HNF4G: variants seen among roughly 807,000 people sequenced by gnomAD.
The protein encoded by HNF4G is hepatocyte nuclear factor 4-gamma.
In HNF4G, 21 loss-of-function variants were observed where a neutral mutation model predicts 50.9. That is an observed-to-expected ratio of 0.41 (90% CI 0.29 to 0.59). The LOEUF is 0.59. HNF4G is among the 20% of genes least tolerant of loss of function. The probability of loss-of-function intolerance (pLI) is 0.26; values close to 1 mark genes in which losing one functional copy is unlikely to be tolerated. For missense variants in HNF4G, 527 were observed against 559.4 expected (o/e 0.94, Z 0.58); for synonymous variants, 198 against 185.6 (o/e 1.07, Z -0.54).
chr8:75,408,018 G>A (rs1037794804), upstream of HNF4G: 3 of 152,118 alleles, frequency 2.0e-5, no homozygotes, highest in East Asian at 3.9e-4. Context: ...GCACCGCCCC[G>A]GCGGCTGCCG....
intron 2 of HNF4G, among the ~76,000 whole-genome samples, chr8:75,530,164 G>C (rs572390377): frequency 7.0e-4 from 106 of 152,102 alleles, no homozygotes; most frequent in Non-Finnish European, 1.2e-3. Flanking sequence ...GAGAGCTGCT[G>C]GTGTTCTAGG....
At chr8:75,417,846 A>T (rs986400598) in intron 1 of HNF4G, among the ~76,000 whole-genome samples, 2 of 152,184 alleles carry the variant, frequency 1.3e-5, no homozygotes, top group African/African-American at 4.8e-5. Flanking sequence ...AGGAATAAAA[A>T]TGATAATAGT....
chr8:75,554,193 GA>G (rs1807050052), intron 5 of HNF4G, among the ~76,000 whole-genome samples: 2 of 152,112 alleles, frequency 1.3e-5, no homozygotes, highest in Non-Finnish European at 2.9e-5. Context: ...GCATGGCTCA[GA>G]AGGTTATGCC....
chr8:75,529,195 G>T (rs1806261213), intron 2 of HNF4G, among the ~76,000 whole-genome samples: 1 of 152,116 alleles, frequency 6.6e-6, no homozygotes, highest in Non-Finnish European at 1.5e-5. Flanking sequence ...GGAGGCTGAG[G>T]CAGGAGAATG....
intron 2 of HNF4G, among the ~76,000 whole-genome samples, chr8:75,525,317 C>T (rs188151553): frequency 1.3e-5 from 2 of 152,188 alleles, no homozygotes; most frequent in African/African-American, 4.8e-5. Context: ...TACAGGCACT[C>T]GCCACCATGC....
Position 75,415,694 on chromosome 8 carries a change from C to T in HNF4G, c.-144+7532C>T, listed in dbSNP as rs117910113. Among the ~76,000 whole-genome samples, 108 of 152,016 alleles carry T rather than the reference C, an allele frequency of 7.1e-4. 1 individual carries two copies. The East Asian group carries it at 0.02, about 28-fold the overall frequency. On this transcript the variant is annotated intron_variant, in intron 1 of 10. Coordinates refer to the HNF4G transcript ENST00000354370. The stretch of plus-strand genomic sequence containing the variant: ...ACAACTATGTGAAGGCGCAGAGACT[C>T]GGGGCCATGTGAAGTCAATATCAAA...
At chr8:75,555,697 T>G (rs1025545547) in intron 5 of HNF4G, among the ~76,000 whole-genome samples, 1 of 151,966 alleles carries the variant, frequency 6.6e-6, no homozygotes, top group Non-Finnish European at 1.5e-5. Flanking sequence ...TCTGGTCTGA[T>G]TCTGTTTCCC....
intron 1 of HNF4G, among the ~76,000 whole-genome samples, chr8:75,443,283 T>C (rs528008494): frequency 6.6e-6 from 1 of 152,200 alleles, no homozygotes; most frequent in Non-Finnish European, 1.5e-5. Flanking sequence ...TTATGGTATT[T>C]TGTTATACCA....
At chr8:75,524,525 T>C (rs1806131040) in intron 2 of HNF4G, among the ~76,000 whole-genome samples, 1 of 152,182 alleles carries the variant, frequency 6.6e-6, no homozygotes. Context: ...ATGTTACATA[T>C]TTTTATTATA....
intron 1 of HNF4G, among the ~76,000 whole-genome samples, chr8:75,424,612 G>A (rs887371426): frequency 1.3e-5 from 2 of 152,024 alleles, no homozygotes; most frequent in African/African-American, 4.8e-5. Flanking sequence ...AAGATTTAGT[G>A]CCCACTTATA....
intron 1 of HNF4G, among the ~76,000 whole-genome samples, chr8:75,465,185 C>T (rs1275169451): frequency 6.6e-6 from 1 of 152,148 alleles, no homozygotes; most frequent in African/African-American, 2.4e-5. Flanking sequence ...ACAGCTAACC[C>T]ATGTAGCCTC....
At chr8:75,479,923 A>G (rs1211120208) in intron 1 of HNF4G, among the ~76,000 whole-genome samples, 2 of 152,088 alleles carry the variant, frequency 1.3e-5, no homozygotes, top group African/African-American at 4.8e-5. Flanking sequence ...CATATTACCA[A>G]AAATAGCAAA....
Position 75,547,388 on chromosome 8 carries a change from T to C in HNF4G, c.288-199T>C, listed in dbSNP as rs539457386. ...ATAGTCATTCAGTTTTATTTTACTATAAAGACTAAGTGAGAGGTGAGGCTC... is the reference window on the plus strand; with the variant it reads ...ATAGTCATTCAGTTTTATTTTACTACAAAGACTAAGTGAGAGGTGAGGCTC... On this transcript the variant is annotated intron_variant, in intron 2 of 9. Transcript: ENST00000396423. Among the ~76,000 whole-genome samples the C allele has an allele frequency of 3.3e-5, 5 of 152,356 alleles. No individual in the cohort carries two copies. In the South Asian group the frequency reaches 1.0e-3, roughly 32 times the overall value.
intron 1 of HNF4G, among the ~76,000 whole-genome samples, chr8:75,427,960 G>A (rs1002816220): frequency 6.6e-6 from 1 of 152,110 alleles, no homozygotes; most frequent in Non-Finnish European, 1.5e-5. Flanking sequence ...ATGTACAGTA[G>A]TATCAATCAA....
chr8:75,507,911 T>C (rs543895420), intron 2 of HNF4G, among the ~76,000 whole-genome samples: 10 of 152,058 alleles, frequency 6.6e-5, no homozygotes, highest in Admixed American at 6.5e-4. Flanking sequence ...AAAACTAAAA[T>C]ATGTGGAGAA....
chr8:75,537,716 A>T (rs1323395612), upstream of HNF4G, among the ~76,000 whole-genome samples: 1 of 152,076 alleles, frequency 6.6e-6, no homozygotes, highest in Non-Finnish European at 1.5e-5. Flanking sequence ...TTTCTCCATT[A>T]AAAAATAAAA....
intron 2 of HNF4G, among the ~76,000 whole-genome samples, chr8:75,522,570 A>G (rs902032108): frequency 6.6e-6 from 1 of 152,144 alleles, no homozygotes; most frequent in African/African-American, 2.4e-5. Flanking sequence ...GACTTAGATC[A>G]TTTTTTGTTG....
At chr8:75,534,928 C>T (rs1806419869), upstream of HNF4G, among the ~76,000 whole-genome samples, 1 of 151,548 alleles carries the variant, frequency 6.6e-6, no homozygotes, top group African/African-American at 2.4e-5. Flanking sequence ...AAATTTTCAA[C>T]AAATCGAGGA....
At chr8:75,532,289 T>C (rs545813692) in intron 2 of HNF4G, among the ~76,000 whole-genome samples, 23 of 152,164 alleles carry the variant, frequency 1.5e-4, no homozygotes, top group Admixed American at 2.6e-4. Context: ...TTCATATCAT[T>C]TTCGAAGATT....
Sources: gnomAD v4.1 joint callset for allele counts (sites outside exome capture counted in the v4.1 genomes callset) on GRCh38, gnomAD v4.1.1 for gene constraint, MANE v1.5 for transcripts, NCBI Gene and HGNC (gene_info 2026-07-23, HGNC 2026-07-21) for gene names.